Variants in RAI1 observed in about 807,000 individuals in gnomAD.
RAI1 encodes retinoic acid induced 1, also known as retinoic acid-induced protein 1.
A neutral mutation model predicts 123.8 loss-of-function variants in RAI1; 9 were observed. That is an observed-to-expected ratio of 0.07 (90% CI 0.04 to 0.13). The LOEUF (loss-of-function observed/expected upper bound fraction) is 0.13, where lower values mean the gene tolerates loss of function less well. Ranked by LOEUF, RAI1 falls within the 10% of genes least tolerant of loss-of-function variation. The pLI is 1.00. For missense variants in RAI1, 2,256 were observed against 2,545.8 expected (o/e 0.89, Z 2.45); for synonymous variants, 1,231 against 1,127.3 (o/e 1.09, Z -1.84).
chr17:17,723,924 G>GGCGGGGGAAAGGGAGA (rs1915980311), intron 1 of RAI1, 104 bp from the exon 2 acceptor site: 1 of 147,388 alleles, frequency 6.8e-6, no homozygotes. Context: ...CGCGAGAGGC[G>GGCGGGGGAAAGGGAGA]CGGCGCGCGC....
chr17:17,753,112 C>T (rs1379184873), intron 2 of RAI1, among the ~76,000 whole-genome samples: 1 of 152,194 alleles, frequency 6.6e-6, no homozygotes, highest in Non-Finnish European at 1.5e-5. Context: ...CTGGCCTGGA[C>T]CCCAGGCCCG....
intron 1 of RAI1, among the ~76,000 whole-genome samples, chr17:17,696,203 A>T (rs1915025699): frequency 6.6e-6 from 1 of 152,252 alleles, no homozygotes; most frequent in Non-Finnish European, 1.5e-5. Flanking sequence ...CTGTAGATGT[A>T]TGATAAACCA....
chr17:17,762,937 T>C (rs1240714070), intron 2 of RAI1, among the ~76,000 whole-genome samples: 1 of 151,930 alleles, frequency 6.6e-6, no homozygotes, highest in Non-Finnish European at 1.5e-5. Flanking sequence ...TAAAGGCCAC[T>C]TGGAAACCCT....
chr17:17,790,612 G>C (rs1259239598), intron 2 of RAI1, among the ~76,000 whole-genome samples: 1 of 151,748 alleles, frequency 6.6e-6, no homozygotes, highest in Non-Finnish European at 1.5e-5. Context: ...GCATTTTGGA[G>C]AATGTGAAAA....
Position 17,793,558 on chromosome 17 carries a change from C to T in RAI1, c.610C>T (p.Pro204Ser), listed in dbSNP as rs138332224. The T allele has an allele frequency of 1.7e-3, 2,794 of 1,613,912 alleles. 12 individuals carry two copies. The highest frequency in any genetic ancestry group is 1.3e-3 in the Non-Finnish European group (1,553 of 1,179,988). ...QNDIASPLPF[P>S]QGTHFPQHSQ... ...CGACATTGCCTCCCCTCTGCCCTTC[C>T]CCCAGGGTACCCACTTTCCTCAGCA... The change falls in exon 3 of 6, where the codon CCC (proline) becomes TCC (serine). Residue 204 changes from proline to serine, a missense_variant. Transcript: ENST00000353383.
chr17:17,710,045 C>T (rs893959199), intron 1 of RAI1, among the ~76,000 whole-genome samples: 15 of 152,142 alleles, frequency 9.9e-5, no homozygotes, highest in African/African-American at 3.6e-4. Context: ...CACACCCTCA[C>T]ACACACACTC....
rs2032750753 is a variant in RAI1 at position 17,810,982 on chromosome 17, C to T, written c.*1001C>T. On this transcript the variant is annotated 3_prime_UTR_variant, in exon 6 of 6. Transcript: ENST00000353383. This position sits in a 1 kb window ranked among gnomAD's most constrained non-coding sequence, Gnocchi z 4.6. Reference sequence around the variant, plus strand: ...TCTCCCGTGTGTCGCCGCCGTGCGTCGTGCGCCCGCAACAGAGCCCCAACC... The same window carrying T: ...TCTCCCGTGTGTCGCCGCCGTGCGTTGTGCGCCCGCAACAGAGCCCCAACC... 1 of 323,018 alleles carries T rather than the reference C, an allele frequency of 3.1e-6. No individual in the cohort carries two copies. The highest frequency in any genetic ancestry group is 1.1e-4 in the East Asian group (1 of 8,942). The allele number at this position is 323,018 out of a possible 1,614,324, so 20.0% of individuals were successfully genotyped here.
chr17:17,723,777 C>T (rs1915973243), intron 1 of RAI1, among the ~76,000 whole-genome samples: 2 of 150,184 alleles, frequency 1.3e-5, no homozygotes, highest in Admixed American at 1.3e-4. Context: ...CCTCCCCGCG[C>T]GCGCCCCGCG....
intron 2 of RAI1, among the ~76,000 whole-genome samples, chr17:17,744,175 C>T (rs1460892015): frequency 2.0e-5 from 3 of 152,208 alleles, no homozygotes; most frequent in Non-Finnish European, 4.4e-5. Context: ...TTGCCAGTAT[C>T]ACCCCTCTTC....
chr17:17,739,043 G>C (rs1446733322), intron 2 of RAI1, among the ~76,000 whole-genome samples: 1 of 152,204 alleles, frequency 6.6e-6, no homozygotes, highest in African/African-American at 2.4e-5. Context: ...CCTGCCCAAG[G>C]CCTCCTCCAC....
Position 17,801,957 on chromosome 17 carries a change from TGTC to T in RAI1, c.5566-1796_5566-1794del, listed in dbSNP as rs1181683061. The T allele has an allele frequency of 3.3e-5, 14 of 423,340 alleles. No individual in the cohort carries two copies. The highest frequency in any genetic ancestry group is 2.6e-4 in the Admixed American group (10 of 38,960). The allele number at this position is 423,340 out of a possible 1,614,324, so 26.2% of individuals were successfully genotyped here. On this transcript the variant is annotated intron_variant, in intron 3 of 5. Transcript: ENST00000353383. The surrounding 1 kb of genome is among the most constrained non-coding windows in gnomAD (Gnocchi z 4.1). ...CCATGCCTGGCACATAGGAAGCTAT[TGTC>T]GTTTGTTTCACTGGCTTCGCACTTG... is the stretch of plus-strand genomic sequence containing the variant.
chr17:17,797,590 A>G lies in RAI1; in HGVS notation c.4642A>G (p.Thr1548Ala). ...CCTCACTCGGGGCCGGGCCAAGAACACCACCTCTTCACCCTGTAAGGGGCG... is the reference window on the plus strand; with the variant it reads ...CCTCACTCGGGGCCGGGCCAAGAACGCCACCTCTTCACCCTGTAAGGGGCG... ...KRLTRGRAKN[T>A]TSSPCKGRAK... Residue 1548 changes from threonine to alanine, a missense_variant, in exon 3 of 6, where the codon ACC (threonine) becomes GCC (alanine). Coordinates refer to ENST00000353383, the MANE Select transcript of RAI1 (RefSeq NM_030665.4). The G allele has an allele frequency of 1.2e-6, 2 of 1,613,992 alleles. No individual in the cohort carries two copies. Among genetic ancestry groups the G allele is most frequent in the Non-Finnish European group, 8.5e-7 (1 of 1,180,022 alleles).
intron 1 of RAI1, among the ~76,000 whole-genome samples, chr17:17,687,102 C>T (rs903031796): frequency 6.6e-6 from 1 of 152,162 alleles, no homozygotes; most frequent in Non-Finnish European, 1.5e-5. Context: ...TCTGGCTCAG[C>T]CTCCCAAGTA....
chr17:17,756,354 T>A (rs2142991038), intron 2 of RAI1, among the ~76,000 whole-genome samples: 1 of 152,086 alleles, frequency 6.6e-6, no homozygotes. Context: ...CCTGCCACCA[T>A]GCCTGGCTAA....
At chr17:17,765,363 C>T (rs1425481092) in intron 2 of RAI1, among the ~76,000 whole-genome samples, 1 of 152,216 alleles carries the variant, frequency 6.6e-6, no homozygotes, top group Non-Finnish European at 1.5e-5. Context: ...TATGTGGGCC[C>T]AGCCCTAGGG....
intron 1 of RAI1, among the ~76,000 whole-genome samples, chr17:17,700,475 C>T (rs1480590213): frequency 2.0e-5 from 3 of 152,030 alleles, no homozygotes; most frequent in African/African-American, 4.8e-5. Context: ...AGCGTCTTCT[C>T]GTTCTTATGC....
intron 1 of RAI1, among the ~76,000 whole-genome samples, chr17:17,721,909 C>T (rs1298757661): frequency 6.6e-6 from 1 of 152,080 alleles, no homozygotes; most frequent in Non-Finnish European, 1.5e-5. Flanking sequence ...AAAAAAGGTG[C>T]CCGAGGCCCA....
In RAI1 at chr17:17,798,220, G is replaced by C. The variant is rs1598094365; in HGVS notation, c.5272G>C (p.Asp1758His). The change falls in exon 3 of 6, where the codon GAC (aspartate) becomes CAC (histidine). Residue 1758 changes from aspartate to histidine, a missense_variant. This residue lies in a region of RAI1 where 243 missense variants were observed against 316.6 expected (regional missense o/e 0.77). Coordinates refer to ENST00000353383, the MANE Select transcript of RAI1 (RefSeq NM_030665.4). ...CACTGCCGGGAAGCCCCCCAGGCCT[G>C]ACGGCCCAGCTGACCCGGCCAAGCA... ...AATAGKPPRP[D>H]GPADPAKQGP... 6.2e-7 allele frequency: 1 copy of C among 1,611,968 alleles called. No individual in the cohort carries two copies. Among genetic ancestry groups the C allele is most frequent in the Non-Finnish European group, 8.5e-7 (1 of 1,179,488 alleles).
In RAI1 at chr17:17,681,640, C is replaced by G. The variant is rs2142843587; in HGVS notation, c.-302C>G. On this transcript the variant is annotated 5_prime_UTR_variant, in exon 1 of 6. Coordinates refer to ENST00000353383, the MANE Select transcript of RAI1 (RefSeq NM_030665.4). ...GCCGCCCTGCCCGCGGCCCTAGCGC[C>G]GGCGCGAGGAGGGGGCGCCGCGGCC... 1 of 209,268 alleles carries G rather than the reference C, an allele frequency of 4.8e-6. No individual in the cohort carries two copies. Among genetic ancestry groups the G allele is most frequent in the Admixed American group, 6.0e-5 (1 of 16,736 alleles). The allele number at this position is 209,268 out of a possible 1,614,324, so 13.0% of individuals were successfully genotyped here. A position where few individuals can be genotyped will look rare whatever the true frequency, so the allele number is the denominator to read the frequency against.
Sources: allele counts gnomAD v4.1 joint callset (sites outside exome capture counted in the v4.1 genomes callset), GRCh38; gene constraint gnomAD v4.1.1; regional missense constraint gnomAD v4.1.1; non-coding constraint Gnocchi (gnomAD v3.1); transcripts MANE v1.5; gene names NCBI Gene and HGNC (gene_info 2026-07-23, HGNC 2026-07-21).